The following SNTG1 variants were observed in gnomAD, a reference collection of about 807,000 sequenced individuals.
SNTG1 encodes gamma-1-syntrophin.
A neutral mutation model predicts 74.7 loss-of-function variants in SNTG1; 39 were observed. The observed-to-expected ratio is 0.52, with a 90% CI of 0.40 to 0.68. The LOEUF (loss-of-function observed/expected upper bound fraction) is 0.68, where lower values mean the gene tolerates loss of function less well. Among genes scored for constraint, SNTG1 ranks in the 30% least tolerant of loss-of-function variants. SNTG1 has a pLI of 0.00. For missense variants in SNTG1, 685 were observed against 609.5 expected, an observed-to-expected ratio of 1.12 and a Z score of -1.30; for synonymous variants, 254 against 217.1, an observed-to-expected ratio of 1.17 and a Z score of -1.49.
intron 1 of SNTG1, among the ~76,000 whole-genome samples, chr8:49,937,901 C>T (rs1312860043): frequency 2.0e-5 from 3 of 152,052 alleles, no homozygotes; most frequent in African/African-American, 7.2e-5. Flanking sequence ...CTTTTTGAAA[C>T]ATTATTCCTG....
At chr8:50,020,196 G>A (rs192182540) in intron 1 of SNTG1, among the ~76,000 whole-genome samples, 1 of 152,150 alleles carries the variant, frequency 6.6e-6, no homozygotes, top group Non-Finnish European at 1.5e-5. Context: ...TTGATGTAAA[G>A]CTCTTCCCCT....
intron 1 of SNTG1, among the ~76,000 whole-genome samples, chr8:49,945,041 AT>A (rs1456462929): frequency 1.3e-5 from 2 of 152,132 alleles, no homozygotes; most frequent in Non-Finnish European, 2.9e-5. Flanking sequence ...CTAACTACTG[AT>A]TTTTTAATGT....
chr8:50,746,846 T>TATATTATATTGTAA, intron 17 of SNTG1, among the ~76,000 whole-genome samples: 1 of 147,686 alleles, frequency 6.8e-6, no homozygotes, highest in Non-Finnish European at 1.5e-5. Context: ...TAATATATAA[T>TATATTATATTGTAA]ATATTATATT....
intron 8 of SNTG1, among the ~76,000 whole-genome samples, chr8:50,493,711 T>A (rs1203670245): frequency 6.6e-6 from 1 of 151,048 alleles, no homozygotes; most frequent in East Asian, 1.9e-4. Flanking sequence ...TAAAAAAGAT[T>A]TTGTACATGG....
intron 5 of SNTG1, among the ~76,000 whole-genome samples, chr8:50,442,354 C>T (rs1405960918): frequency 6.6e-6 from 1 of 152,150 alleles, no homozygotes. Flanking sequence ...GGTCCCTCCA[C>T]TGTCTTTAAG....
At chr8:50,524,945 T>G (rs1333352397) in intron 9 of SNTG1, among the ~76,000 whole-genome samples, 1 of 152,160 alleles carries the variant, frequency 6.6e-6, no homozygotes, top group Non-Finnish European at 1.5e-5. Flanking sequence ...TATTCTGTAT[T>G]TGTCTACATC....
intron 1 of SNTG1, among the ~76,000 whole-genome samples, chr8:50,144,605 T>G (rs2081790654): frequency 6.6e-6 from 1 of 152,106 alleles, no homozygotes; most frequent in Non-Finnish European, 1.5e-5. Flanking sequence ...AAAATAGGAC[T>G]GGGGATCATT....
At chr8:50,233,648 C>T (rs1182987354) in intron 2 of SNTG1, among the ~76,000 whole-genome samples, 1 of 151,294 alleles carries the variant, frequency 6.6e-6, no homozygotes, top group African/African-American at 2.4e-5. Context: ...TAGCTTCAAA[C>T]CACAAACCTG....
chr8:50,310,705 CAAATAAAT>C (rs972841779), intron 2 of SNTG1, among the ~76,000 whole-genome samples: 1 of 151,878 alleles, frequency 6.6e-6, no homozygotes, highest in Non-Finnish European at 1.5e-5. Context: ...AGTAAGTAAA[CAAATAAAT>C]AAATAAATAA....
chr8:50,518,201 T>A (rs1355777351), intron 9 of SNTG1, among the ~76,000 whole-genome samples: 1 of 151,932 alleles, frequency 6.6e-6, no homozygotes, highest in African/African-American at 2.4e-5. Flanking sequence ...TGCTCCAGAG[T>A]GACTACTGGG....
chr8:50,617,304 G>A (rs1004537678), intron 13 of SNTG1, among the ~76,000 whole-genome samples: 3 of 150,930 alleles, frequency 2.0e-5, no homozygotes, highest in South Asian at 2.1e-4. Context: ...CAGTTAATTT[G>A]TTCAATGAGC....
At chr8:50,493,639 A>G (rs1037895006) in intron 8 of SNTG1, among the ~76,000 whole-genome samples, 6 of 151,948 alleles carry the variant, frequency 3.9e-5, no homozygotes, top group African/African-American at 1.2e-4. Flanking sequence ...TACAAATTAT[A>G]CAGAGTTTAA....
At chr8:50,297,722 C>T (rs2089452579) in intron 2 of SNTG1, among the ~76,000 whole-genome samples, 1 of 152,184 alleles carries the variant, frequency 6.6e-6, no homozygotes. Flanking sequence ...AAAACCTATT[C>T]ACTGTTATTT....
chr8:50,553,296 G>A (rs2094437896), intron 12 of SNTG1, 117 bp downstream of exon 12: 1 of 1,325,284 alleles, frequency 7.5e-7, no homozygotes, highest in African/African-American at 1.5e-5. Flanking sequence ...AGACATTCAT[G>A]AAAGCTATTC....
chr8:50,332,096 A>G (rs753404065), intron 2 of SNTG1, among the ~76,000 whole-genome samples: 2 of 152,312 alleles, frequency 1.3e-5, no homozygotes, highest in African/African-American at 2.4e-5. Flanking sequence ...TCTCAAATGC[A>G]TGTTCTTGAC....
chr8:50,205,647 C>T (rs1348642050), intron 2 of SNTG1, among the ~76,000 whole-genome samples: 2 of 152,158 alleles, frequency 1.3e-5, no homozygotes, highest in East Asian at 3.9e-4. Flanking sequence ...TTGCCCATGC[C>T]TATGTCCTGA....
chr8:50,146,974 T>C (rs1228376808), intron 1 of SNTG1, among the ~76,000 whole-genome samples: 1 of 152,200 alleles, frequency 6.6e-6, no homozygotes, highest in Admixed American at 6.5e-5. Flanking sequence ...TGTCTTCTTA[T>C]TCTCTTAACA....
At chr8:49,984,039 TG>T (rs1412977904) in intron 1 of SNTG1, among the ~76,000 whole-genome samples, 2 of 152,220 alleles carry the variant, frequency 1.3e-5, no homozygotes, top group Non-Finnish European at 2.9e-5. Flanking sequence ...AGTTTTCTTT[TG>T]TGACATTTTA....
chr8:50,329,041 C>G (rs2090860049), intron 2 of SNTG1, among the ~76,000 whole-genome samples: 1 of 152,168 alleles, frequency 6.6e-6, no homozygotes, highest in Non-Finnish European at 1.5e-5. Context: ...AGTCTGAAAT[C>G]CAGCAGAGCA....
Sources: gnomAD v4.1 joint callset for allele counts (sites outside exome capture counted in the v4.1 genomes callset) on GRCh38, gnomAD v4.1.1 for gene constraint, MANE v1.5 for transcripts, NCBI Gene and HGNC (gene_info 2026-07-23, HGNC 2026-07-21) for gene names.